TMTC4: variants seen among roughly 807,000 people sequenced by gnomAD.
TMTC4 encodes transmembrane O-mannosyltransferase targeting cadherins 4.
Under a neutral mutation model 86.0 loss-of-function variants are expected in TMTC4, and 65 were observed. The ratio of observed to expected loss-of-function variants is 0.76; its 90% confidence interval spans 0.62 to 0.93. TMTC4 has a LOEUF of 0.93. TMTC4 is among the 40% of genes least tolerant of loss of function. The probability of loss-of-function intolerance (pLI) is 0.00; values close to 1 mark genes in which losing one functional copy is unlikely to be tolerated. For missense variants in TMTC4, 866 were observed against 948.1 expected, an observed-to-expected ratio of 0.91 and a Z score of 1.14; for synonymous variants, 379 against 382.5, an observed-to-expected ratio of 0.99 and a Z score of 0.11.
intron 6 of TMTC4, among the ~76,000 whole-genome samples, chr13:100,650,245 T>C (rs750903374): frequency 1.3e-5 from 2 of 152,328 alleles, no homozygotes; most frequent in Middle Eastern, 3.4e-3. Flanking sequence ...TTTCAGTATA[T>C]TGTCTCTAGC....
intron 6 of TMTC4, among the ~76,000 whole-genome samples, chr13:100,653,377 G>A (rs1486119112): frequency 2.9e-4 from 44 of 152,136 alleles, no homozygotes; most frequent in Non-Finnish European, 2.9e-5. Context: ...GTGAGGAGGA[G>A]GGGAGAGATG....
intron 7 of TMTC4, among the ~76,000 whole-genome samples, chr13:100,641,481 CT>C (rs1243079998): frequency 6.6e-6 from 1 of 151,494 alleles, no homozygotes; most frequent in East Asian, 1.9e-4. Context: ...TCTTTTCCTT[CT>C]TTCTTTTTTT....
chr13:100,619,256 T>G (rs1295925582), intron 15 of TMTC4, among the ~76,000 whole-genome samples: 1 of 152,152 alleles, frequency 6.6e-6, no homozygotes, highest in African/African-American at 2.4e-5. Context: ...TTGCTTCTTT[T>G]GAGAGGGAAT....
chr13:100,675,050 G>C (rs1368233435), upstream of TMTC4: 1 of 985,598 alleles, frequency 1.0e-6, no homozygotes, highest in African/African-American at 1.7e-5. Flanking sequence ...GGCGAAGGAG[G>C]CGCAGGGACA....
chr13:100,674,253 G>C (rs1322127319), intron 1 of TMTC4: 3 of 979,730 alleles, frequency 3.1e-6, no homozygotes, highest in South Asian at 4.7e-5. Flanking sequence ...GGCGCGGCGG[G>C]GGAGCCGCCG....
At chr13:100,631,591 A>C (rs1881362915) in intron 12 of TMTC4, among the ~76,000 whole-genome samples, 1 of 152,206 alleles carries the variant, frequency 6.6e-6, no homozygotes, top group Admixed American at 6.5e-5. Context: ...TATGCAAGGC[A>C]CTGTGCCTTG....
At chr13:100,622,484 T>C (rs972970338) in intron 15 of TMTC4, among the ~76,000 whole-genome samples, 1 of 152,192 alleles carries the variant, frequency 6.6e-6, no homozygotes, top group African/African-American at 2.4e-5. Context: ...AACTGAATCA[T>C]GGGGGTGGTT....
chr13:100,605,291 CTATT>C lies in TMTC4; in HGVS notation c.2135-153_2135-150del. On this transcript the variant is annotated intron_variant, in intron 18 of 18. Transcript: ENST00000342624. The surrounding 1 kb of genome is among the most constrained non-coding windows in gnomAD (Gnocchi z 4.3). ...AACAATATTGTTTGTACTGAAAACT[CTATT>C]TATTGTAATCACACTCCCTGATGAT... 1.0e-6 allele frequency: 1 copy of C among 962,880 alleles called. No homozygotes were observed. Among genetic ancestry groups the C allele is most frequent in the East Asian group, 2.7e-5 (1 of 37,486 alleles). The allele number at this position is 962,880 out of a possible 1,614,324, so 59.6% of individuals were successfully genotyped here.
intron 1 of TMTC4, chr13:100,674,128 A>G (rs2139094335): frequency 5.1e-6 from 5 of 984,200 alleles, no homozygotes; most frequent in Non-Finnish European, 6.0e-6. Flanking sequence ...CGGCTTCCCC[A>G]AACTCCGAGC....
chr13:100,606,698 T>C (rs1334502736), intron 17 of TMTC4, among the ~76,000 whole-genome samples: 1 of 152,146 alleles, frequency 6.6e-6, no homozygotes, highest in Non-Finnish European at 1.5e-5. Context: ...ACTTCTGTAA[T>C]GTTATGCAAG....
In TMTC4 at chr13:100,633,176, G is replaced by A. The variant is rs542852254; in HGVS notation, c.1506+1629C>T. ...AAAATACAAAAATTAGCCGGGCATA[G>A]TGGCGCATGCCTGTCCTAGCTACTC... On this transcript the variant is annotated intron_variant, in intron 12 of 18. Coordinates refer to ENST00000342624, the MANE Select transcript of TMTC4 (RefSeq NM_032813.5). Among the ~76,000 whole-genome samples, 5 of 152,122 alleles carry A rather than the reference G, an allele frequency of 3.3e-5. 1 individual carries two copies. The highest frequency in any genetic ancestry group is 1.2e-4 in the African/African-American group (5 of 41,496).
At chr13:100,646,042 C>T (rs1006920045) in intron 6 of TMTC4, among the ~76,000 whole-genome samples, 1 of 152,134 alleles carries the variant, frequency 6.6e-6, no homozygotes, top group Non-Finnish European at 1.5e-5. Context: ...GTGCCACTCA[C>T]GGGTGTGTGG....
At chr13:100,666,186 A>C (rs746009226) in intron 3 of TMTC4, 11 of 384,284 alleles carry the variant, frequency 2.9e-5, no homozygotes, top group Non-Finnish European at 5.2e-5. Flanking sequence ...CCCTAACTCC[A>C]CTGTCTCAAA....
At chr13:100,612,362 C>G (rs763342756) in intron 17 of TMTC4, 36 bp downstream of exon 17, 4 of 1,486,360 alleles carry the variant, frequency 2.7e-6, no homozygotes, top group Non-Finnish European at 3.7e-6. Context: ...GATGCTGGCA[C>G]TAACTGCAAG....
At chr13:100,622,798 TTAAG>T (rs1879746075) in intron 15 of TMTC4, among the ~76,000 whole-genome samples, 1 of 152,132 alleles carries the variant, frequency 6.6e-6, no homozygotes, top group African/African-American at 2.4e-5. Context: ...TTATTATACT[TTAAG>T]TTTTAGCGTA....
At chr13:100,623,889 T>C (rs1442645702) in intron 15 of TMTC4, 3 of 498,248 alleles carry the variant, frequency 6.0e-6, no homozygotes, top group Non-Finnish European at 1.2e-5. Flanking sequence ...TATTCTCTTG[T>C]TGGTGATGGA....
At position 100,637,979 on chromosome 13, in the gene TMTC4, T is replaced by A. The variant is rs201497986; in HGVS notation, c.785A>T (p.Asn262Ile). Residue 262 changes from asparagine (N) to isoleucine (I), a missense_variant, in exon 8 of 19, where the codon AAT (asparagine) becomes ATT (isoleucine). By Grantham distance (149) the Asn-to-Ile change is moderately radical. Coordinates refer to ENST00000342624, the MANE Select transcript of TMTC4 (RefSeq NM_032813.5). ...TACCTTCTGGACAATTTCCAGAACATTGAATTTGCCTATCACCAAGATGTC... is the reference window on the plus strand; with the variant it reads ...TACCTTCTGGACAATTTCCAGAACAATGAATTTGCCTATCACCAAGATGTC... ...VFDILVIGKF[N>I]VLEIVQKVLH... 1 of 1,614,072 alleles carries A rather than the reference T, an allele frequency of 6.2e-7. No individual in the cohort carries two copies. The highest frequency in any genetic ancestry group is 1.7e-5 in the Admixed American group (1 of 60,012).
chr13:100,607,866 T>C (rs1365204694), intron 17 of TMTC4, among the ~76,000 whole-genome samples: 1 of 152,062 alleles, frequency 6.6e-6, no homozygotes, highest in East Asian at 1.9e-4. Flanking sequence ...GTCAGTGTAG[T>C]GTCTACATTC....
intron 15 of TMTC4, among the ~76,000 whole-genome samples, chr13:100,621,536 C>T (rs899875949): frequency 2.6e-5 from 4 of 152,220 alleles, no homozygotes; most frequent in African/African-American, 9.6e-5. Flanking sequence ...CGCCATTCTC[C>T]TGCCTCAGCC....
Sources: allele counts gnomAD v4.1 joint callset (sites outside exome capture counted in the v4.1 genomes callset), GRCh38; gene constraint gnomAD v4.1.1; non-coding constraint Gnocchi (gnomAD v3.1); transcripts MANE v1.5; gene names NCBI Gene and HGNC (gene_info 2026-07-23, HGNC 2026-07-21).